NEK11: variants seen among roughly 807,000 people sequenced by gnomAD.
NEK11 encodes NIMA related kinase 11, also known as serine/threonine-protein kinase Nek11.
Under a neutral mutation model 80.7 loss-of-function variants are expected in NEK11, and 72 were observed. The observed-to-expected ratio is 0.89, with a 90% confidence interval of 0.74 to 1.08. NEK11 has a LOEUF of 1.08. NEK11 is among the 50% of genes least tolerant of loss of function. The pLI, the probability that NEK11 is intolerant of heterozygous loss-of-function variation, is 0.00. For missense variants in NEK11, 764 were observed against 763.6 expected (o/e 1.00, Z -0.01); for synonymous variants, 251 against 260.7 (o/e 0.96, Z 0.36).
rs2079789701 is a variant in NEK11 at position 131,109,805 on chromosome 3, C to T, written c.339C>T (p.Gly113=). The change falls in exon 5 of 18, where the codon GGC becomes GGT. Residue 113 remains glycine, a splice_region_variant and synonymous_variant. Coordinates refer to ENST00000383366, the MANE Select transcript of NEK11 (RefSeq NM_024800.5). ...AAAGATTATGCTCTTCATTTCAGGGCCGAGATCTGGACGATAAAATTCAGG... is the reference window on the plus strand; with the variant it reads ...AAAGATTATGCTCTTCATTTCAGGGTCGAGATCTGGACGATAAAATTCAGG... The part of the protein sequence containing the change: ...NFCIITEYCE[G]RDLDDKIQEY... 6.3e-7 allele frequency: 1 copy of T among 1,586,082 alleles called. No homozygotes were observed. Among genetic ancestry groups the T allele is most frequent in the Non-Finnish European group, 8.5e-7 (1 of 1,171,536 alleles).
At chr3:131,154,988 C>T (rs1423292542) in intron 9 of NEK11, 48 bp from the exon 10 acceptor site, 2 of 1,099,334 alleles carry the variant, frequency 1.8e-6, no homozygotes, top group Non-Finnish European at 2.8e-6. Flanking sequence ...TCCCTTTCAT[C>T]CCTAAAGAGG....
chr3:131,327,144 A>C (rs1440642100), intron 17 of NEK11: 1 of 152,266 alleles, frequency 6.6e-6, no homozygotes, highest in Non-Finnish European at 1.5e-5. Context: ...ATAGTATTTA[A>C]GCAGCACAAG....
At chr3:131,064,573 A>G (rs2071525802) in intron 3 of NEK11, among the ~76,000 whole-genome samples, 1 of 152,174 alleles carries the variant, frequency 6.6e-6, no homozygotes, top group Admixed American at 6.5e-5. Flanking sequence ...AGACCAACAT[A>G]TGAATTTTAG....
chr3:131,027,307 T>C (rs2064013394), intron 1 of NEK11: 1 of 152,184 alleles, frequency 6.6e-6, no homozygotes, highest in African/African-American at 2.4e-5. Context: ...TGGTGACAAA[T>C]TGCCTTCCTC....
chr3:131,134,474 C>T lies in NEK11; in HGVS notation c.647+518C>T, dbSNP rs549673026. Among the ~76,000 whole-genome samples the T allele has an allele frequency of 6.6e-5, 10 of 151,610 alleles. No homozygotes were observed. In the South Asian group the frequency reaches 2.1e-3, roughly 32 times the overall value. On this transcript the variant is annotated intron_variant, in intron 7 of 17. Coordinates refer to ENST00000383366, the MANE Select transcript of NEK11 (RefSeq NM_024800.5). ...GGAGTGCAGTGGTGTGATCTCAGCT[C>T]ACTGCAACCTCCACCTCTTGGGTTC...
intron 3 of NEK11, among the ~76,000 whole-genome samples, chr3:131,056,829 A>T (rs1490327712): frequency 6.6e-6 from 1 of 152,070 alleles, no homozygotes; most frequent in Non-Finnish European, 1.5e-5. Flanking sequence ...GTCTATAGGG[A>T]TGCAGCCACA....
At chr3:131,087,978 G>C (rs756082251) in intron 4 of NEK11, 1 of 152,266 alleles carries the variant, frequency 6.6e-6, no homozygotes, top group African/African-American at 2.4e-5. Flanking sequence ...CCTTCCTACT[G>C]TGAACTCAAA....
intron 3 of NEK11, among the ~76,000 whole-genome samples, chr3:131,054,984 C>G (rs1190588827): frequency 6.6e-6 from 1 of 152,080 alleles, no homozygotes; most frequent in African/African-American, 2.4e-5. Context: ...CTTCACCTTT[C>G]TTTCCAGATG....
chr3:131,183,545 C>T (rs1316895640), intron 14 of NEK11, among the ~76,000 whole-genome samples: 1 of 152,210 alleles, frequency 6.6e-6, no homozygotes, highest in African/African-American at 2.4e-5. Context: ...GTTTGGTTTT[C>T]TGTTCCTGTG....
At position 131,029,745 on chromosome 3, in the gene NEK11, G is replaced by C. The variant is rs1027901249; in HGVS notation, c.37G>C (p.Gly13Arg). Residue 13 changes from glycine (G) to arginine (R), a missense_variant, in exon 3 of 18, where the codon GGA (glycine) becomes CGA (arginine). Transcript: ENST00000383366. ...CCAAGAGGCAGCTAAGTGTGTGAGT[G>C]GATCAACAGCCATTTCCACTTATCC... ...KFQEAAKCVSGSTAISTYPKT... is the reference protein window; with the variant it reads ...KFQEAAKCVSRSTAISTYPKT... 2 of 1,613,988 alleles carry C rather than the reference G, an allele frequency of 1.2e-6. No homozygotes were observed. Among genetic ancestry groups the C allele is most frequent in the Non-Finnish European group, 1.7e-6 (2 of 1,179,994 alleles).
chr3:131,277,503 G>A (rs1198299735), intron 17 of NEK11, among the ~76,000 whole-genome samples: 2 of 152,176 alleles, frequency 1.3e-5, no homozygotes, highest in Non-Finnish European at 2.9e-5. Context: ...TCAGTAAGTA[G>A]TGCCTGAAGG....
At chr3:131,190,187 T>C (rs2093739524) in intron 14 of NEK11, among the ~76,000 whole-genome samples, 1 of 152,198 alleles carries the variant, frequency 6.6e-6, no homozygotes, top group African/African-American at 2.4e-5. Context: ...AATGAACTTA[T>C]TCATGCTCTC....
Position 131,029,633 on chromosome 3 carries a change from A to G in NEK11, c.-76A>G. On this transcript the variant is annotated 5_prime_UTR_variant, in exon 3 of 18. Transcript: ENST00000383366. The stretch of plus-strand genomic sequence containing the variant: ...TTAAGGAACTGACCAACACTGGATG[A>G]ATTTGACCATTTCTTAGGAGACTGG... The G allele has an allele frequency of 7.1e-7, 1 of 1,414,034 alleles. No homozygotes were observed. The highest frequency in any genetic ancestry group is 9.8e-7 in the Non-Finnish European group (1 of 1,018,554). The allele number at this position is 1,414,034 out of a possible 1,614,324, so 87.6% of individuals were successfully genotyped here. A position where few individuals can be genotyped will look rare whatever the true frequency, so the allele number is the denominator to read the frequency against.
rs755264655 is a variant in NEK11, at chr3:131,349,631, A to G, written c.1793A>G (p.Asn598Ser). 1.2e-6 allele frequency: 2 copies of G among 1,614,086 alleles called. No individual in the cohort carries two copies. Among genetic ancestry groups the G allele is most frequent in the East Asian group, 4.5e-5 (2 of 44,886 alleles). Residue 598 changes from asparagine to serine, a missense_variant, in exon 18 of 18, where the codon AAT (asparagine) becomes AGT (serine). By Grantham distance (46) the Asn-to-Ser change is conservative (BLOSUM62 1). Coordinates refer to ENST00000383366, the MANE Select transcript of NEK11 (RefSeq NM_024800.5). ...YNYLKRARHQ[N>S]ASEAEIRECL... ...TACCTCAAGAGAGCAAGGCATCAGA[A>G]TGCTAGCGAAGCAGAGATCCGCGAG...
chr3:131,262,663 A>C (rs547295851), intron 16 of NEK11, among the ~76,000 whole-genome samples: 1 of 152,260 alleles, frequency 6.6e-6, no homozygotes, highest in South Asian at 2.1e-4. Context: ...ATAAAGGCAA[A>C]ATTAGGGTTT....
chr3:131,302,764 G>A (rs1159328480), intron 17 of NEK11, among the ~76,000 whole-genome samples: 1 of 152,034 alleles, frequency 6.6e-6, no homozygotes, highest in Non-Finnish European at 1.5e-5. Flanking sequence ...TTGTGTTGTG[G>A]CTGATTGTAT....
chr3:131,150,310 G>A (rs2089386455), intron 7 of NEK11, among the ~76,000 whole-genome samples: 1 of 151,808 alleles, frequency 6.6e-6, no homozygotes, highest in African/African-American at 2.4e-5. Context: ...ATTGTTGGTT[G>A]CATTTACATC....
chr3:131,234,332 A>G (rs1328130394), intron 15 of NEK11, among the ~76,000 whole-genome samples: 1 of 152,142 alleles, frequency 6.6e-6, no homozygotes, highest in Non-Finnish European at 1.5e-5. Flanking sequence ...TTTGCCTGTT[A>G]TTTTTACATG....
intron 10 of NEK11, among the ~76,000 whole-genome samples, chr3:131,157,047 C>A (rs1418861067): frequency 6.6e-6 from 1 of 151,844 alleles, no homozygotes; most frequent in Non-Finnish European, 1.5e-5. Context: ...CAATGGGACA[C>A]CAAAACTCAG....
Sources: gnomAD v4.1 joint callset for allele counts (sites outside exome capture counted in the v4.1 genomes callset) on GRCh38, gnomAD v4.1.1 for gene constraint, MANE v1.5 for transcripts, NCBI Gene and HGNC (gene_info 2026-07-23, HGNC 2026-07-21) for gene names.